Variants in DYSF observed in about 807,000 individuals in gnomAD.
DYSF encodes the protein dysferlin.
Under a neutral mutation model 274.9 loss-of-function variants are expected in DYSF, and 212 were observed. The ratio of observed to expected loss-of-function variants is 0.77; its 90% confidence interval spans 0.69 to 0.86. The LOEUF (loss-of-function observed/expected upper bound fraction) is 0.86. Ranked by LOEUF, DYSF falls within the 40% of genes least tolerant of loss-of-function variation. The pLI, the probability that DYSF is intolerant of heterozygous loss-of-function variation, is 0.00. For synonymous variants in DYSF, 1,091 were observed against 1,078.7 expected (o/e 1.01, Z -0.22); for missense variants, 2,666 against 2,783.2 (o/e 0.96, Z 0.95).
At chr2:71,560,947 C>T (rs2091710016) in intron 22 of DYSF, among the ~76,000 whole-genome samples, 1 of 152,146 alleles carries the variant, frequency 6.6e-6, no homozygotes, top group African/African-American at 2.4e-5. Context: ...GCACAGACTG[C>T]CCCGCCGCAT....
chr2:71,539,225 G>C lies in DYSF; in HGVS notation c.1562G>C (p.Gly521Ala). 2 of 1,614,062 alleles carry C rather than the reference G, an allele frequency of 1.2e-6. No homozygotes were observed. The highest frequency in any genetic ancestry group is 1.7e-6 in the Non-Finnish European group (2 of 1,179,976). ...AGTATGTCGAAAATCTCTGCCCCTGGAGGAGAAATAGAAGGTATGTTCCCT... is the reference window on the plus strand; with the variant it reads ...AGTATGTCGAAAATCTCTGCCCCTGCAGGAGAAATAGAAGGTATGTTCCCT... ...YLSMSKISAP[G>A]GEIEVDDYLG... Residue 521 changes from glycine (G) to alanine (A), a missense_variant, in exon 17 of 56, where the codon GGA (glycine) becomes GCA (alanine). This residue lies in a region of DYSF where 794 missense variants were observed against 777.1 expected (regional missense o/e 1.02). Transcript: ENST00000410020.
chr2:71,614,352 T>C (rs898300911), intron 40 of DYSF, among the ~76,000 whole-genome samples: 3 of 152,228 alleles, frequency 2.0e-5, no homozygotes, highest in African/African-American at 7.2e-5. Flanking sequence ...ACCTGTGTCC[T>C]CGGGCCTTGC....
intron 46 of DYSF, 147 bp from the exon 47 acceptor site, chr2:71,665,015 G>T: frequency 7.8e-7 from 1 of 1,284,278 alleles, no homozygotes; most frequent in Non-Finnish European, 1.1e-6. Context: ...GGGATGCCCA[G>T]TCATGGTGAG....
At chr2:71,664,027 G>T (rs1039767905) in intron 45 of DYSF, among the ~76,000 whole-genome samples, 7 of 152,154 alleles carry the variant, frequency 4.6e-5, no homozygotes, top group African/African-American at 1.4e-4. Flanking sequence ...TCGGTCTGTG[G>T]TCCATCAGGC....
In DYSF at chr2:71,643,915, G is replaced by T. The variant is rs748857515; in HGVS notation, c.4528-50G>T. On this transcript the variant is annotated intron_variant, in intron 41 of 55. Transcript: ENST00000410020. ...AGGGTTTCCAACTCTGAAGAATGCT[G>T]CTTGGCGAGTCCTGTTTCTGAAATG... 2.8e-6 allele frequency: 4 copies of T among 1,454,300 alleles called. No individual in the cohort carries two copies. The Admixed American group carries it at 7.5e-5, about 27-fold the overall frequency. 90.1% of individuals were successfully genotyped at this position (1,454,300 alleles called of 1,614,324 possible). A position where few individuals can be genotyped will look rare whatever the true frequency, so the allele number is the denominator to read the frequency against.
intron 13 of DYSF, among the ~76,000 whole-genome samples, chr2:71,526,916 GGCACCC>G (rs1346278530): frequency 6.6e-6 from 1 of 152,236 alleles, no homozygotes; most frequent in East Asian, 1.9e-4. Flanking sequence ...TGGGACAGTG[GGCACCC>G]GACTTGCAAC....
chr2:71,667,439 T>G lies in DYSF; in HGVS notation c.5381T>G (p.Leu1794Arg). ...PVEERLALHV[L>R]QQQGLVPEHV... ...GAGGAGCGTCTGGCTCTGCATGTGC[T>G]TCAGCAGCAGGGCCTGGTCCCGGAG... The change falls in exon 48 of 56, where the codon CTT (leucine) becomes CGT (arginine). Residue 1794 changes from leucine to arginine, a missense_variant. Around this residue, in one of 3 missense-constraint regions of DYSF, gnomAD observed 1,460 missense variants for 1,502.1 expected, o/e 0.97. Transcript: ENST00000410020. 6.2e-7 allele frequency: 1 copy of G among 1,614,120 alleles called. No individual in the cohort carries two copies.
At chr2:71,458,398 C>T (rs1221079847) in intron 1 of DYSF, among the ~76,000 whole-genome samples, 2 of 152,132 alleles carry the variant, frequency 1.3e-5, no homozygotes, top group Admixed American at 6.5e-5. Flanking sequence ...GTTTCTCCAT[C>T]CACTGTCCTG....
chr2:71,656,821 T>C (rs1341479903), intron 43 of DYSF, among the ~76,000 whole-genome samples: 1 of 152,148 alleles, frequency 6.6e-6, no homozygotes, highest in African/African-American at 2.4e-5. Flanking sequence ...ATGATTCAGT[T>C]ACCTCCTCCT....
intron 45 of DYSF, among the ~76,000 whole-genome samples, chr2:71,661,005 T>C (rs949325739): frequency 2.7e-5 from 4 of 150,778 alleles, no homozygotes; most frequent in South Asian, 2.1e-4. Flanking sequence ...TGGTTCCAGA[T>C]ACTTGGGAGG....
chr2:71,584,940 G>A (rs1166262740), intron 30 of DYSF, among the ~76,000 whole-genome samples: 1 of 152,222 alleles, frequency 6.6e-6, no homozygotes, highest in Non-Finnish European at 1.5e-5. Flanking sequence ...ATTTACAGAA[G>A]GCCAGAGGAG....
chr2:71,600,684 T>C lies in DYSF; in HGVS notation c.3757-18T>C, dbSNP rs748523806. On this transcript the variant is annotated intron_variant, in intron 33 of 55. Coordinates refer to ENST00000410020, the MANE Select transcript of DYSF (RefSeq NM_001130987.2). Reference sequence around the variant, plus strand: ...TGGGTAAGGGATGCTGATTCTTGTCTCTCTACGCTTGGTCTAGGGTGCAGA... The same window carrying C: ...TGGGTAAGGGATGCTGATTCTTGTCCCTCTACGCTTGGTCTAGGGTGCAGA... The C allele has an allele frequency of 4.3e-6, 7 of 1,614,044 alleles. No homozygotes were observed. Among genetic ancestry groups the C allele is most frequent in the Non-Finnish European group, 5.9e-6 (7 of 1,180,030 alleles).
chr2:71,521,621 T>A (rs1309947707), intron 12 of DYSF, among the ~76,000 whole-genome samples: 7 of 152,084 alleles, frequency 4.6e-5, no homozygotes, highest in Non-Finnish European at 1.0e-4. Context: ...ATATGGCTGA[T>A]GGCTTTGTGC....
chr2:71,527,785 A>G (rs142658628), intron 13 of DYSF, among the ~76,000 whole-genome samples: 1 of 152,316 alleles, frequency 6.6e-6, no homozygotes, highest in Non-Finnish European at 1.5e-5. Flanking sequence ...ATCTATCTGT[A>G]TCTACATATA....
chr2:71,503,134 G>A (rs1238440807), intron 3 of DYSF, 80 bp from the exon 4 acceptor site: 1 of 1,260,920 alleles, frequency 7.9e-7, no homozygotes, highest in South Asian at 1.2e-5. Flanking sequence ...CCTCATCTGA[G>A]TGGTGGCAGT....
chr2:71,534,905 C>G, intron 14 of DYSF, 116 bp from the exon 15 acceptor site: 3 of 1,108,698 alleles, frequency 2.7e-6, no homozygotes, highest in Non-Finnish European at 4.1e-6. Context: ...GGTCTTACAC[C>G]CAGCCCTAAG....
At chr2:71,674,411 C>G in intron 52 of DYSF, 115 bp downstream of exon 52, 6 of 989,644 alleles carry the variant, frequency 6.1e-6, no homozygotes, top group Non-Finnish European at 9.5e-6. Context: ...AGTGATCCCA[C>G]TTTCTGCTTT....
intron 13 of DYSF, among the ~76,000 whole-genome samples, chr2:71,526,994 G>A (rs566450522): frequency 3.8e-4 from 58 of 152,320 alleles, no homozygotes; most frequent in African/African-American, 1.3e-3. Flanking sequence ...TGGTTGGCCC[G>A]ATACTAGACC....
chr2:71,544,795 G>A lies in DYSF; in HGVS notation c.1576+5556G>A, dbSNP rs77525924. ...CTGCTTGATGTCCTCAGATCCTTCC[G>A]TAAATGTAGGCAGCTATCAGAGGCA... On this transcript the variant is annotated intron_variant, in intron 17 of 55. Coordinates refer to ENST00000410020, the MANE Select transcript of DYSF (RefSeq NM_001130987.2). Among the ~76,000 whole-genome samples the A allele has an allele frequency of 9.7e-3, 1,480 of 152,204 alleles. 24 individuals carry two copies. The highest frequency in any genetic ancestry group is 0.034 in the African/African-American group (1,418 of 41,506).
Sources: gnomAD v4.1 joint callset for allele counts (sites outside exome capture counted in the v4.1 genomes callset) on GRCh38, gnomAD v4.1.1 for gene constraint, gnomAD v4.1.1 regional missense constraint, MANE v1.5 for transcripts, NCBI Gene and HGNC (gene_info 2026-07-23, HGNC 2026-07-21) for gene names.